GJA10: variants seen among roughly 807,000 people sequenced by gnomAD.
GJA10 encodes the protein gap junction protein alpha 10, also known as gap junction alpha-10 protein.
For missense variants in GJA10, 685 were observed against 651.9 expected (o/e 1.05, Z -0.55); for synonymous variants, 239 against 233.0 (o/e 1.03, Z -0.23).
At position 89,895,383 on chromosome 6, in the gene GJA10, C is replaced by T. The variant is rs755687498; in HGVS notation, c.915C>T (p.Ile305=). ...NVPKSKTMWQ[I]PQPRQLEVDP... ...CAAAGTCTAAAACCATGTGGCAAATCCCACAGCCAAGGCAACTTGAAGTAG... is the reference window on the plus strand; with the variant it reads ...CAAAGTCTAAAACCATGTGGCAAATTCCACAGCCAAGGCAACTTGAAGTAG... Residue 305 remains isoleucine, a synonymous_variant, in exon 1 of 1, where the codon ATC becomes ATT. Coordinates refer to ENST00000369352, the MANE Select transcript of GJA10 (RefSeq NM_032602.2). 1.2e-6 allele frequency: 2 copies of T among 1,614,104 alleles called. No homozygotes were observed. The highest frequency in any genetic ancestry group is 2.2e-5 in the East Asian group (1 of 44,898).
rs1281863871 is a variant in GJA10 at position 89,894,577 on chromosome 6, C to T, written c.109C>T (p.Leu37Phe). ...TILFIFRMLV[L>F]RVAAEDVWDD... Reference sequence around the variant, plus strand: ...CCTCTTCATCTTCCGAATGCTGGTACTTCGTGTGGCTGCTGAGGATGTCTG... The same window carrying T: ...CCTCTTCATCTTCCGAATGCTGGTATTTCGTGTGGCTGCTGAGGATGTCTG... The change falls in exon 1 of 1, where the codon CTT (leucine) becomes TTT (phenylalanine). Residue 37 changes from leucine (L) to phenylalanine (F), a missense_variant. Physicochemically the swap from Leu to Phe is conservative, Grantham distance 22. Coordinates refer to ENST00000369352, the MANE Select transcript of GJA10 (RefSeq NM_032602.2). 3 of 1,614,176 alleles carry T rather than the reference C, an allele frequency of 1.9e-6. No individual in the cohort carries two copies. The highest frequency in any genetic ancestry group is 2.2e-5 in the East Asian group (1 of 44,884).
Position 89,894,708 on chromosome 6 carries a change from A to G in GJA10, c.240A>G (p.Leu80=). Residue 80 remains leucine (L), a synonymous_variant, in exon 1 of 1, where the codon TTA becomes TTG. Transcript: ENST00000369352. ...FPISLIRFWV[L]QIIFVSSPSL... ...TCTCTTTGATCAGGTTCTGGGTTTT[A>G]CAGATCATCTTTGTGTCTTCTCCTT... The G allele has an allele frequency of 6.2e-7, 1 of 1,614,212 alleles. No individual in the cohort carries two copies. Among genetic ancestry groups the G allele is most frequent in the Non-Finnish European group, 8.5e-7 (1 of 1,180,054 alleles).
Position 89,895,839 on chromosome 6 carries a change from C to T in GJA10, c.1371C>T (p.Cys457=). 6.2e-7 allele frequency: 1 copy of T among 1,614,200 alleles called. No homozygotes were observed. The highest frequency in any genetic ancestry group is 8.5e-7 in the Non-Finnish European group (1 of 1,180,044). The change falls in exon 1 of 1, where the codon TGC becomes TGT. Residue 457 remains cysteine (C), a synonymous_variant. Transcript: ENST00000369352. ...GCTCTGGTTCTCGGAATAGCTCCTG[C>T]TTGGATTTTCCTCACTGGGAAAACA... ...SGSSGSRNSS[C]LDFPHWENSP... is the part of the protein sequence containing the mutation.
At position 89,895,596 on chromosome 6, in the gene GJA10, A is replaced by C. The variant is rs1421946601; in HGVS notation, c.1128A>C (p.Arg376Ser). ...QSWLGTTTAP[R>S]NCPSFAVGTW... is the part of the protein sequence containing the mutation. ...GGCTAGGTACAACTACGGCTCCTAGAAACTGTCCATCCTTTGCAGTAGGAA... is the reference window on the plus strand; with the variant it reads ...GGCTAGGTACAACTACGGCTCCTAGCAACTGTCCATCCTTTGCAGTAGGAA... The change falls in exon 1 of 1, where the codon AGA (arginine) becomes AGC (serine). Residue 376 changes from arginine to serine, a missense_variant. Physicochemically the swap from Arg to Ser is moderately radical, Grantham distance 110. Transcript: ENST00000369352. 1 of 1,614,148 alleles carries C rather than the reference A, an allele frequency of 6.2e-7. No individual in the cohort carries two copies. Among genetic ancestry groups the C allele is most frequent in the South Asian group, 1.1e-5 (1 of 91,078 alleles).
Position 89,894,992 on chromosome 6 carries a change from A to G in GJA10, c.524A>G (p.Gln175Arg), listed in dbSNP as rs1771723108. 4 of 1,614,034 alleles carry G rather than the reference A, an allele frequency of 2.5e-6. No individual in the cohort carries two copies. The highest frequency in any genetic ancestry group is 1.3e-5 in the African/African-American group (1 of 74,910). ...SVLEVGFMIG[Q>R]YILYGFQMHP... The stretch of plus-strand genomic sequence containing the variant: ...CTGGAAGTAGGATTCATGATAGGCC[A>G]ATATATTCTCTATGGGTTTCAAATG... The change falls in exon 1 of 1, where the codon CAA becomes CGA. Residue 175 changes from glutamine (Q) to arginine (R), a missense_variant. Gln to Arg is a conservative substitution (Grantham distance 43, BLOSUM62 1). Transcript: ENST00000369352.
rs1771750405 is a variant in GJA10, at chr6:89,895,773, ATTG to A, written c.1310_1312del (p.Leu437del). On this transcript the variant is annotated inframe_deletion, in exon 1 of 1. Coordinates refer to ENST00000369352, the MANE Select transcript of GJA10 (RefSeq NM_032602.2). ...GTCGCAAGGCCAGCTTTCTGTCCAG[ATTG>A]TTGTCTGAAAAGCGACATCTGCACA... 3.7e-6 allele frequency: 6 copies of A among 1,614,128 alleles called. No individual in the cohort carries two copies. Among genetic ancestry groups the A allele is most frequent in the Non-Finnish European group, 5.1e-6 (6 of 1,180,020 alleles).
rs1423820738 is a variant in GJA10, at chr6:89,895,933, A to C, written c.1465A>C (p.Met489Leu). The change falls in exon 1 of 1, where the codon ATG becomes CTG. Residue 489 changes from methionine (M) to leucine (L), a missense_variant. Coordinates refer to ENST00000369352, the MANE Select transcript of GJA10 (RefSeq NM_032602.2). ...SMVRQAALPI[M>L]ELSQELFHSG... ...GGTAAGACAGGCAGCCCTACCGATCATGGAACTATCACAAGAGCTGTTCCA... is the reference window on the plus strand; with the variant it reads ...GGTAAGACAGGCAGCCCTACCGATCCTGGAACTATCACAAGAGCTGTTCCA... The C allele has an allele frequency of 6.2e-7, 1 of 1,614,204 alleles. No individual in the cohort carries two copies. The highest frequency in any genetic ancestry group is 8.5e-7 in the Non-Finnish European group (1 of 1,180,028).
At position 89,895,456 on chromosome 6, in the gene GJA10, G is replaced by A. The variant is rs774136559; in HGVS notation, c.988G>A (p.Gly330Arg). Reference protein sequence around the residue: ...KDWSEKDQHSGQLHVHSPCPW... With the variant: ...KDWSEKDQHSRQLHVHSPCPW... ...CTGGTCTGAGAAGGATCAGCATAGC[G>A]GACAGCTCCATGTTCACAGCCCGTG... The change falls in exon 1 of 1, where the codon GGA (glycine) becomes AGA (arginine). Residue 330 changes from glycine (G) to arginine (R), a missense_variant. Physicochemically the swap from Gly to Arg is moderately radical, Grantham distance 125. Coordinates refer to ENST00000369352, the MANE Select transcript of GJA10 (RefSeq NM_032602.2). The A allele has an allele frequency of 2.5e-6, 4 of 1,614,084 alleles. No homozygotes were observed. Among genetic ancestry groups the A allele is most frequent in the African/African-American group, 2.7e-5 (2 of 74,928 alleles).
In GJA10 at chr6:89,894,846, G is replaced by A. The variant is rs774116939; in HGVS notation, c.378G>A (p.Glu126=). 4 of 1,614,058 alleles carry A rather than the reference G, an allele frequency of 2.5e-6. No individual in the cohort carries two copies. The highest frequency in any genetic ancestry group is 1.1e-5 in the South Asian group (1 of 91,086). The stretch of plus-strand genomic sequence containing the variant: ...TGGAGAATCCAGATCTTGACTTGGA[G>A]GAGCAGCAAAGAATAGATAGGGAAC... ...AQMENPDLDL[E]EQQRIDRELR... is the part of the protein sequence containing the mutation. The change falls in exon 1 of 1, where the codon GAG becomes GAA. Residue 126 remains glutamate (E), a synonymous_variant. Coordinates refer to ENST00000369352, the MANE Select transcript of GJA10 (RefSeq NM_032602.2).
At position 89,895,242 on chromosome 6, in the gene GJA10, A is replaced by C; in HGVS notation, c.774A>C (p.Pro258=). ...SEGIEDETGP[P]FHLKKYSVAQ... ...GCATTGAGGATGAAACAGGCCCTCC[A>C]TTCCATTTGAAGAAATATTCTGTGG... Residue 258 remains proline (P), a synonymous_variant, in exon 1 of 1, where the codon CCA becomes CCC. Coordinates refer to ENST00000369352, the MANE Select transcript of GJA10 (RefSeq NM_032602.2). 6.2e-7 allele frequency: 1 copy of C among 1,614,228 alleles called. No homozygotes were observed. Among genetic ancestry groups the C allele is most frequent in the South Asian group, 1.1e-5 (1 of 91,088 alleles).
rs1238864153 is a variant in GJA10, at chr6:89,895,412, C to A, written c.944C>A (p.Pro315His). Residue 315 changes from proline (P) to histidine (H), a missense_variant, in exon 1 of 1, where the codon CCT becomes CAT. Physicochemically the swap from Pro to His is moderately conservative, Grantham distance 77. Transcript: ENST00000369352. Reference sequence around the variant, plus strand: ...CAGCCAAGGCAACTTGAAGTAGACCCTTCCAATGGGAAAAAGGACTGGTCT... The same window carrying A: ...CAGCCAAGGCAACTTGAAGTAGACCATTCCAATGGGAAAAAGGACTGGTCT... Reference protein sequence around the residue: ...IPQPRQLEVDPSNGKKDWSEK... With the variant: ...IPQPRQLEVDHSNGKKDWSEK... 1.2e-6 allele frequency: 2 copies of A among 1,614,232 alleles called. No individual in the cohort carries two copies. Among genetic ancestry groups the A allele is most frequent in the South Asian group, 2.2e-5 (2 of 91,086 alleles).
In GJA10 at chr6:89,896,060, A is replaced by C. The variant is rs764012909; in HGVS notation, c.1592A>C (p.Lys531Thr). The C allele has an allele frequency of 7.5e-6, 12 of 1,597,506 alleles. No individual in the cohort carries two copies. The highest frequency in any genetic ancestry group is 9.4e-6 in the Non-Finnish European group (11 of 1,168,606). Reference protein sequence around the residue: ...DGGGDYLWRDKIIHSIHSVKF... With the variant: ...DGGGDYLWRDTIIHSIHSVKF... ...GGGGGAGATTATTTATGGAGAGATA[A>C]AATTATTCATTCGATACATTCAGTT... Residue 531 changes from lysine to threonine, a missense_variant, in exon 1 of 1, where the codon AAA (lysine) becomes ACA (threonine). Physicochemically the swap from Lys to Thr is moderately conservative, Grantham distance 78. Transcript: ENST00000369352.
Position 89,895,466 on chromosome 6 carries a change from A to G in GJA10, c.998A>G (p.His333Arg). 1.9e-6 allele frequency: 3 copies of G among 1,614,200 alleles called. No individual in the cohort carries two copies. The highest frequency in any genetic ancestry group is 2.5e-6 in the Non-Finnish European group (3 of 1,180,032). Residue 333 changes from histidine (H) to arginine (R), a missense_variant, in exon 1 of 1, where the codon CAT becomes CGT. Transcript: ENST00000369352. ...AAGGATCAGCATAGCGGACAGCTCC[A>G]TGTTCACAGCCCGTGTCCCTGGGCT... ...SEKDQHSGQL[H>R]VHSPCPWAGS...
Position 89,895,781 on chromosome 6 carries a change from C to G in GJA10, c.1313C>G (p.Ser438Cys), listed in dbSNP as rs769375046. The change falls in exon 1 of 1, where the codon TCT becomes TGT. Residue 438 changes from serine (S) to cysteine (C), a missense_variant. Ser to Cys is a moderately radical substitution (Grantham distance 112, BLOSUM62 -1). Transcript: ENST00000369352. ...GCCAGCTTTCTGTCCAGATTGTTGT[C>G]TGAAAAGCGACATCTGCACAGTGAC... ...RKASFLSRLL[S>C]EKRHLHSDSG... is the part of the protein sequence containing the mutation. 1 of 1,614,178 alleles carries G rather than the reference C, an allele frequency of 6.2e-7. No individual in the cohort carries two copies. The highest frequency in any genetic ancestry group is 8.5e-7 in the Non-Finnish European group (1 of 1,180,024).
In GJA10 at chr6:89,895,094, C is replaced by A. The variant is rs753839092; in HGVS notation, c.626C>A (p.Thr209Lys). 3 of 1,614,004 alleles carry A rather than the reference C, an allele frequency of 1.9e-6. No individual in the cohort carries two copies. Among genetic ancestry groups the A allele is most frequent in the African/African-American group, 1.3e-5 (1 of 74,910 alleles). ...DCFVSRPTEK[T>K]IFMLFMHSIA... ...TTTGTATCCAGGCCCACTGAGAAGA[C>A]AATTTTCATGCTTTTTATGCACAGC... is the stretch of plus-strand genomic sequence containing the variant. The change falls in exon 1 of 1, where the codon ACA becomes AAA. Residue 209 changes from threonine to lysine, a missense_variant. By Grantham distance (78) the Thr-to-Lys change is moderately conservative. Transcript: ENST00000369352.
rs1457996556 is a variant in GJA10, at chr6:89,894,863, A to G, written c.395A>G (p.Asp132Gly). The change falls in exon 1 of 1, where the codon GAT becomes GGT. Residue 132 changes from aspartate to glycine, a missense_variant. Transcript: ENST00000369352. ...DLDLEEQQRI[D>G]RELRRLEEQK... The stretch of plus-strand genomic sequence containing the variant: ...GACTTGGAGGAGCAGCAAAGAATAG[A>G]TAGGGAACTGAGGAGGTTAGAGGAG... 8 of 1,614,206 alleles carry G rather than the reference A, an allele frequency of 5.0e-6. No individual in the cohort carries two copies. The Admixed American group carries it at 1.3e-4, about 27-fold the overall frequency.
Position 89,895,854 on chromosome 6 carries a change from C to T in GJA10, c.1386C>T (p.His462=). 6.2e-7 allele frequency: 1 copy of T among 1,614,190 alleles called. No homozygotes were observed. Among genetic ancestry groups the T allele is most frequent in the Non-Finnish European group, 8.5e-7 (1 of 1,180,042 alleles). The change falls in exon 1 of 1, where the codon CAC becomes CAT. Residue 462 remains histidine (H), a synonymous_variant. Transcript: ENST00000369352. ...SRNSSCLDFP[H]WENSPSPLPS... is the part of the protein sequence containing the mutation. ...ATAGCTCCTGCTTGGATTTTCCTCA[C>T]TGGGAAAACAGCCCCTCACCTCTGC...
In GJA10 at chr6:89,895,026, T is replaced by C; in HGVS notation, c.558T>C (p.Leu186=). The change falls in exon 1 of 1, where the codon CTT becomes CTC. Residue 186 remains leucine (L), a synonymous_variant. Transcript: ENST00000369352. ...TCTATGGGTTTCAAATGCACCCCCT[T>C]TACAAATGCACTCAACCTCCTTGCC... ...YILYGFQMHP[L]YKCTQPPCPN... The C allele has an allele frequency of 6.2e-7, 1 of 1,614,200 alleles. No homozygotes were observed. Among genetic ancestry groups the C allele is most frequent in the Non-Finnish European group, 8.5e-7 (1 of 1,180,024 alleles).
Position 89,895,900 on chromosome 6 carries a change from A to T in GJA10, c.1432A>T (p.Thr478Ser), listed in dbSNP as rs1295840009. ...SPLPSVTGHR[T>S]SMVRQAALPI... is the part of the protein sequence containing the mutation. The stretch of plus-strand genomic sequence containing the variant: ...TCTGCCTTCAGTCACTGGGCACAGA[A>T]CATCAATGGTAAGACAGGCAGCCCT... Residue 478 changes from threonine (T) to serine (S), a missense_variant, in exon 1 of 1, where the codon ACA becomes TCA. Physicochemically the swap from Thr to Ser is moderately conservative, Grantham distance 58. Coordinates refer to ENST00000369352, the MANE Select transcript of GJA10 (RefSeq NM_032602.2). 4 of 1,614,066 alleles carry T rather than the reference A, an allele frequency of 2.5e-6. No individual in the cohort carries two copies. The highest frequency in any genetic ancestry group is 3.4e-6 in the Non-Finnish European group (4 of 1,180,040).
Sources: allele counts gnomAD v4.1 joint callset, GRCh38; gene constraint gnomAD v4.1.1; transcripts MANE v1.5; gene names NCBI Gene and HGNC (gene_info 2026-07-23, HGNC 2026-07-21).